Variants in LARGE1 observed in about 807,000 individuals in gnomAD.
The protein encoded by LARGE1 is xylosyl- and glucuronyltransferase LARGE1.
LARGE1 carries 43 observed loss-of-function variants against 87.6 expected under a neutral mutation model. The ratio of observed to expected loss-of-function variants is 0.49; its 90% CI spans 0.38 to 0.63. The LOEUF (loss-of-function observed/expected upper bound fraction) is 0.63. Ranked by LOEUF, LARGE1 falls within the 30% of genes least tolerant of loss-of-function variation. The probability of loss-of-function intolerance (pLI) is 0.00; values close to 1 mark genes in which losing one functional copy is unlikely to be tolerated. For synonymous variants in LARGE1, 434 were observed against 394.6 expected (o/e 1.10, Z -1.18); for missense variants, 802 against 1,000.2 (o/e 0.80, Z 2.67).
At position 33,199,203 on chromosome 22, in the gene LARGE1, A is replaced by AG. The variant is rs1195946965; in HGVS notation, c.1731-32372dup. Among the ~76,000 whole-genome samples, 4 of 82,426 alleles carry AG rather than the reference A, an allele frequency of 4.9e-5. No individual in the cohort carries two copies. The East Asian group carries it at 9.1e-4, about 19-fold the overall frequency. The allele number at this position is 82,426 out of a possible 152,430, so 54.1% of individuals were successfully genotyped here. A position where few individuals can be genotyped will look rare whatever the true frequency, so the allele number is the denominator to read the frequency against. On this transcript the variant is annotated intron_variant, in intron 11 of 11. Coordinates refer to the LARGE1 transcript ENST00000608642. ...GCTTACTTTTTAATAGCGCTGTTTGAGGTTTTTTTTTTTCTTATGGAGTTG... is the reference window on the plus strand; with the variant it reads ...GCTTACTTTTTAATAGCGCTGTTTGAGGGTTTTTTTTTTTCTTATGGAGTTG...
At chr22:33,331,655 G>A (rs1299174971) in intron 10 of LARGE1, among the ~76,000 whole-genome samples, 1 of 152,052 alleles carries the variant, frequency 6.6e-6, no homozygotes, top group Non-Finnish European at 1.5e-5. Flanking sequence ...TGATCTGCCC[G>A]CCTCGGCCTC....
Position 33,283,135 on chromosome 22 carries a change from A to G in LARGE1, c.1877+67T>C, listed in dbSNP as rs1241749425. 9 of 1,599,390 alleles carry G rather than the reference A, an allele frequency of 5.6e-6. No individual in the cohort carries two copies. The African/African-American group carries it at 1.2e-4, about 21-fold the overall frequency. On this transcript the variant is annotated intron_variant, in intron 13 of 14. Transcript: ENST00000397394. Reference sequence around the variant, plus strand: ...AAACTTCCAGATCGATAGCTTTGGCATCTGGGTTTCCCAGGAGAAAGAAGG... The same window carrying G: ...AAACTTCCAGATCGATAGCTTTGGCGTCTGGGTTTCCCAGGAGAAAGAAGG...
At chr22:33,327,408 C>G (rs1425254364) in intron 10 of LARGE1, among the ~76,000 whole-genome samples, 1 of 152,200 alleles carries the variant, frequency 6.6e-6, no homozygotes, top group Non-Finnish European at 1.5e-5. Flanking sequence ...CTGGAAAATA[C>G]TCGTAACAAT....
At chr22:33,407,907 G>T (rs1247107631) in intron 7 of LARGE1, among the ~76,000 whole-genome samples, 1 of 151,732 alleles carries the variant, frequency 6.6e-6, no homozygotes. Flanking sequence ...GTTTATTTGG[G>T]AATTAAATAT....
At chr22:33,773,940 G>GT (rs1266626292) in intron 1 of LARGE1, among the ~76,000 whole-genome samples, 1 of 152,126 alleles carries the variant, frequency 6.6e-6, no homozygotes, top group East Asian at 1.9e-4. Flanking sequence ...AGACACTACT[G>GT]TTTGTTTGCT....
At chr22:33,316,615 G>C (rs1223564017) in intron 10 of LARGE1, among the ~76,000 whole-genome samples, 3 of 152,052 alleles carry the variant, frequency 2.0e-5, no homozygotes, top group Admixed American at 6.6e-5. Flanking sequence ...GAGGTGTGTG[G>C]CTGTAGTGCT....
intron 11 of LARGE1, among the ~76,000 whole-genome samples, chr22:33,168,255 A>G (rs1238626519): frequency 6.6e-6 from 1 of 152,210 alleles, no homozygotes; most frequent in South Asian, 2.1e-4. Context: ...CTGGCTCTGG[A>G]TCTCAGCGTG....
intron 10 of LARGE1, among the ~76,000 whole-genome samples, chr22:33,319,521 G>A (rs1209801468): frequency 1.3e-5 from 2 of 152,048 alleles, no homozygotes; most frequent in African/African-American, 4.8e-5. Context: ...TCAGCCTCCC[G>A]AGTAGCTGTG....
downstream of LARGE1, among the ~76,000 whole-genome samples, chr22:33,269,365 T>C (rs1404388052): frequency 6.6e-6 from 1 of 152,208 alleles, no homozygotes; most frequent in Non-Finnish European, 1.5e-5. Context: ...TCTGTTTACT[T>C]TTCTGCTGTC....
chr22:33,347,020 C>T (rs1286433123), intron 9 of LARGE1, among the ~76,000 whole-genome samples: 2 of 152,196 alleles, frequency 1.3e-5, no homozygotes, highest in East Asian at 1.9e-4. Flanking sequence ...ATCTTGTGAC[C>T]ATGAGAGGTC....
intron 6 of LARGE1, among the ~76,000 whole-genome samples, chr22:33,446,652 G>A (rs8137639): frequency 0.037 from 5,575 of 152,324 alleles, 103 homozygotes; most frequent in Middle Eastern, 0.062. Flanking sequence ...AGCAGATGGC[G>A]AGGGAGACGA....
chr22:33,508,269 C>T (rs761650188), intron 6 of LARGE1, among the ~76,000 whole-genome samples: 6 of 152,154 alleles, frequency 3.9e-5, no homozygotes, highest in Non-Finnish European at 2.9e-5. Context: ...TCACCCTGGG[C>T]AAGGCACAGG....
At chr22:33,374,769 T>A (rs572145409) in intron 9 of LARGE1, among the ~76,000 whole-genome samples, 1 of 152,288 alleles carries the variant, frequency 6.6e-6, no homozygotes, top group Admixed American at 6.5e-5. Context: ...CCAAATTATA[T>A]AAAATTCTTA....
At chr22:33,906,008 T>C (rs1277280415) in intron 1 of LARGE1, among the ~76,000 whole-genome samples, 1 of 152,132 alleles carries the variant, frequency 6.6e-6, no homozygotes, top group Non-Finnish European at 1.5e-5. Flanking sequence ...CAGGCGCCTG[T>C]AGTCCCAGCT....
intron 2 of LARGE1, among the ~76,000 whole-genome samples, chr22:33,729,978 GTGCATGCGTGTGTGTGTGCGTGCA>G (rs1170325018): frequency 2.6e-5 from 4 of 151,980 alleles, no homozygotes; most frequent in African/African-American, 9.7e-5. Flanking sequence ...GTGTGCGTGT[GTGCATGCGTGTGTGTGTGCGTGCA>G]TGCGTGCGTG....
Position 33,787,984 on chromosome 22 carries a change from C to T in LARGE1, c.-82-26426G>A, listed in dbSNP as rs377538673. 5.2e-4 allele frequency among the ~76,000 whole-genome samples: 79 copies of T among 152,282 alleles called. 1 individual carries two copies. The highest frequency in any genetic ancestry group is 1.8e-3 in the African/African-American group (74 of 41,562). On this transcript the variant is annotated intron_variant, in intron 1 of 14. Transcript: ENST00000397394. Reference sequence around the variant, plus strand: ...ACACTATAAAGGGATATGAGGATGACAGAGTTCATGAAACCCTGCCCAGTA... The same window carrying T: ...ACACTATAAAGGGATATGAGGATGATAGAGTTCATGAAACCCTGCCCAGTA...
chr22:33,556,931 G>A (rs2077708368), intron 6 of LARGE1, among the ~76,000 whole-genome samples: 2 of 152,096 alleles, frequency 1.3e-5, no homozygotes, highest in Admixed American at 6.5e-5. Flanking sequence ...ACTTGAACCC[G>A]GGAGGCAGAG....
At chr22:33,891,988 C>G (rs1021451611) in intron 1 of LARGE1, among the ~76,000 whole-genome samples, 1 of 152,182 alleles carries the variant, frequency 6.6e-6, no homozygotes. Context: ...AAAAGCCACT[C>G]TCACCATGAG....
chr22:33,090,180 G>C, the LARGE1 span, among the ~76,000 whole-genome samples: 8,411 of 152,248 alleles, frequency 0.055, 777 homozygotes, highest in African/African-American at 0.19. Flanking sequence ...AGTCCAGCCT[G>C]GGTGACAGAG....
Sources: allele counts gnomAD v4.1 joint callset (sites outside exome capture counted in the v4.1 genomes callset), GRCh38; gene constraint gnomAD v4.1.1; transcripts MANE v1.5; gene names NCBI Gene and HGNC (gene_info 2026-07-23, HGNC 2026-07-21).